BDKRB2: variants seen among roughly 807,000 people sequenced by gnomAD.
The protein encoded by BDKRB2 is B2 bradykinin receptor.
In BDKRB2, 6 loss-of-function variants were observed where a neutral mutation model predicts 4.0. The observed-to-expected ratio is 1.49, with a 90% CI of 0.81 to 2.93. The LOEUF is 2.93. BDKRB2 is among the 30% of genes most tolerant of loss of function. The pLI is 0.00. For missense variants in BDKRB2, 478 were observed against 520.1 expected (o/e 0.92, Z 0.79); for synonymous variants, 225 against 215.3 (o/e 1.05, Z -0.40).
chr14:96,209,235 T>C (rs1165822629), intron 1 of BDKRB2, among the ~76,000 whole-genome samples: 1 of 152,174 alleles, frequency 6.6e-6, no homozygotes, highest in East Asian at 1.9e-4. Flanking sequence ...TCAAGGTTCA[T>C]CGAGTTGATA....
At position 96,223,161 on chromosome 14, in the gene BDKRB2, G is replaced by C. The variant is rs529118046; in HGVS notation, c.-39-13908G>C. The C allele has an allele frequency of 6.8e-5, 81 of 1,187,142 alleles. No homozygotes were observed. The African/African-American group carries it at 1.2e-3, about 18-fold the overall frequency. 73.5% of individuals were successfully genotyped at this position (1,187,142 alleles called of 1,614,324 possible). A position where few individuals can be genotyped will look rare whatever the true frequency, so the allele number is the denominator to read the frequency against. Reference sequence around the variant, plus strand: ...ACAGATACGACGACGAGGAGTTTGAGTATCGACATGTCATGCTGCCCAAGG... The same window carrying C: ...ACAGATACGACGACGAGGAGTTTGACTATCGACATGTCATGCTGCCCAAGG... On this transcript the variant is annotated intron_variant, in intron 1 of 2. Transcript: ENST00000554311.
intron 1 of BDKRB2, among the ~76,000 whole-genome samples, chr14:96,235,262 C>T (rs908020056): frequency 2.1e-5 from 3 of 143,938 alleles, no homozygotes; most frequent in East Asian, 4.2e-4. Context: ...ACAGGAGAAT[C>T]GCTTGAACCC....
At chr14:96,240,226 G>T in intron 2 of BDKRB2, 177 bp from the exon 3 acceptor site, 1 of 1,310,288 alleles carries the variant, frequency 7.6e-7, no homozygotes, top group Non-Finnish European at 9.7e-7. Context: ...AGGGGGCTCT[G>T]TAAGACCCAG....
At chr14:96,218,532 G>A (rs1890479946) in intron 1 of BDKRB2, among the ~76,000 whole-genome samples, 1 of 152,152 alleles carries the variant, frequency 6.6e-6, no homozygotes, top group Non-Finnish European at 1.5e-5. Context: ...GGAAGCCCAA[G>A]GACATGAGAG....
chr14:96,209,862 G>T (rs1196962247), intron 1 of BDKRB2, among the ~76,000 whole-genome samples: 3 of 152,106 alleles, frequency 2.0e-5, no homozygotes, highest in Non-Finnish European at 4.4e-5. Flanking sequence ...CAGGCACGGT[G>T]GTGCATGCCT....
At chr14:96,213,696 G>A (rs1890355155) in intron 1 of BDKRB2, among the ~76,000 whole-genome samples, 1 of 152,184 alleles carries the variant, frequency 6.6e-6, no homozygotes, top group Non-Finnish European at 1.5e-5. Context: ...GCACAGTGGA[G>A]AGAAAGGGTA....
Position 96,244,122 on chromosome 14 carries a change from G to A in BDKRB2, c.*2618G>A, listed in dbSNP as rs1885378151. ...CCAAACGAGAAAATCATGTAAACAT[G>A]TGTCTTTTCTGTAGAGCATAATAAA... On this transcript the variant is annotated 3_prime_UTR_variant, in exon 3 of 3. Coordinates refer to ENST00000554311, the MANE Select transcript of BDKRB2 (RefSeq NM_001379692.1). 2.5e-6 allele frequency: 1 copy of A among 398,582 alleles called. No homozygotes were observed. The highest frequency in any genetic ancestry group is 3.6e-5 in the East Asian group (1 of 28,086). 24.7% of individuals were successfully genotyped at this position (398,582 alleles called of 1,614,324 possible).
intron 1 of BDKRB2, among the ~76,000 whole-genome samples, chr14:96,235,305 G>A (rs1322097218): frequency 7.1e-5 from 9 of 126,690 alleles, no homozygotes; most frequent in Admixed American, 3.1e-4. Flanking sequence ...CCAAGATTAC[G>A]CCATTGTACT....
At chr14:96,211,867 T>A (rs949071781) in intron 1 of BDKRB2, among the ~76,000 whole-genome samples, 1 of 152,184 alleles carries the variant, frequency 6.6e-6, no homozygotes, top group African/African-American at 2.4e-5. Flanking sequence ...TACAGGGCAG[T>A]CCTACTCTGA....
At chr14:96,206,014 A>T (rs1289341155) in intron 1 of BDKRB2, among the ~76,000 whole-genome samples, 1 of 151,966 alleles carries the variant, frequency 6.6e-6, no homozygotes, top group Non-Finnish European at 1.5e-5. Flanking sequence ...CCCCGCCCCT[A>T]ATTCCATTTC....
At position 96,226,126 on chromosome 14, in the gene BDKRB2, G is replaced by C. The variant is rs1488107708; in HGVS notation, c.-39-10943G>C. ...TTTTTGGTTTTGCTCTCTGGTGAGG[G>C]TTTCTATTTTTTCCTGGTATACATG... On this transcript the variant is annotated intron_variant, in intron 1 of 2. Transcript: ENST00000554311. Among the ~76,000 whole-genome samples, 7 of 152,314 alleles carry C rather than the reference G, an allele frequency of 4.6e-5. No homozygotes were observed. In the East Asian group the frequency reaches 7.7e-4, roughly 17 times the overall value.
intron 2 of BDKRB2, chr14:96,239,998 A>C: frequency 1.0e-6 from 1 of 999,380 alleles, no homozygotes; most frequent in Non-Finnish European, 1.2e-6. Flanking sequence ...TAACTCACCC[A>C]CCACACGGCT....
intron 1 of BDKRB2, among the ~76,000 whole-genome samples, chr14:96,211,721 C>T (rs995162353): frequency 1.3e-5 from 2 of 152,194 alleles, no homozygotes. Context: ...TTGAATCCCA[C>T]CCCATTCCTC....
chr14:96,204,898 A>G lies in BDKRB2; in HGVS notation c.-101A>G, dbSNP rs202197794. 7.9e-4 allele frequency: 252 copies of G among 320,890 alleles called. No individual in the cohort carries two copies. The highest frequency in any genetic ancestry group is 5.0e-3 in the African/African-American group (220 of 44,106). The allele number at this position is 320,890 out of a possible 1,614,324, so 19.9% of individuals were successfully genotyped here. On this transcript the variant is annotated 5_prime_UTR_variant, in exon 1 of 3. Coordinates refer to ENST00000554311, the MANE Select transcript of BDKRB2 (RefSeq NM_001379692.1). ...TGGGGACGGTGGGGACGGTGGGGAC[A>G]TCAGGCTGCCCCGCAGTACCAGGGA... is the stretch of plus-strand genomic sequence containing the variant.
Position 96,205,258 on chromosome 14 carries a change from A to T in BDKRB2, c.-40+299A>T, listed in dbSNP as rs556405211. Among the ~76,000 whole-genome samples, 11 of 152,146 alleles carry T rather than the reference A, an allele frequency of 7.2e-5. No homozygotes were observed. In the South Asian group the frequency reaches 2.3e-3, roughly 32 times the overall value. On this transcript the variant is annotated intron_variant, in intron 1 of 2. Coordinates refer to ENST00000554311, the MANE Select transcript of BDKRB2 (RefSeq NM_001379692.1). ...GGATTTCGTGATTGGATTTTCACATACTTTGAGTGGACACCTTGGAGTAAG... is the reference window on the plus strand; with the variant it reads ...GGATTTCGTGATTGGATTTTCACATTCTTTGAGTGGACACCTTGGAGTAAG...
intron 1 of BDKRB2, among the ~76,000 whole-genome samples, chr14:96,226,673 A>T (rs1473192544): frequency 6.6e-6 from 1 of 152,138 alleles, no homozygotes; most frequent in African/African-American, 2.4e-5. Flanking sequence ...AAAAAATTAC[A>T]AAGTGGCTGA....
intron 1 of BDKRB2, among the ~76,000 whole-genome samples, chr14:96,214,109 C>T (rs1246708893): frequency 6.6e-6 from 1 of 152,198 alleles, no homozygotes; most frequent in Non-Finnish European, 1.5e-5. Context: ...CCAGTCAGAG[C>T]CCTCTGCCCT....
At chr14:96,206,504 G>A (rs1023416078) in intron 1 of BDKRB2, among the ~76,000 whole-genome samples, 1 of 152,164 alleles carries the variant, frequency 6.6e-6, no homozygotes, top group African/African-American at 2.4e-5. Context: ...TGAGGACTTT[G>A]AAAGTGGTAT....
chr14:96,230,853 T>C (rs1890802848), intron 1 of BDKRB2, among the ~76,000 whole-genome samples: 1 of 152,212 alleles, frequency 6.6e-6, no homozygotes, highest in African/African-American at 2.4e-5. Flanking sequence ...TGACCTCAGG[T>C]GATCCACCTG....
Sources: gnomAD v4.1 joint callset for allele counts (sites outside exome capture counted in the v4.1 genomes callset) on GRCh38, gnomAD v4.1.1 for gene constraint, MANE v1.5 for transcripts, NCBI Gene and HGNC (gene_info 2026-07-23, HGNC 2026-07-21) for gene names.